The following SLC39A14 variants were observed in gnomAD, a reference collection of about 807,000 sequenced individuals.
SLC39A14 encodes metal cation symporter ZIP14.
SLC39A14 carries 19 observed loss-of-function variants against 45.5 expected under a neutral mutation model. The observed-to-expected ratio is 0.42, with a 90% CI of 0.29 to 0.61. SLC39A14 has a LOEUF of 0.61. Ranked by LOEUF, SLC39A14 falls within the 20% of genes least tolerant of loss-of-function variation. SLC39A14 has a pLI of 0.22. For synonymous variants in SLC39A14, 264 were observed against 251.3 expected (o/e 1.05, Z -0.48); for missense variants, 447 against 616.5 (o/e 0.73, Z 2.91).
downstream of SLC39A14, among the ~76,000 whole-genome samples, chr8:22,423,359 G>A (rs1221182993): frequency 2.1e-5 from 3 of 146,242 alleles, no homozygotes; most frequent in Non-Finnish European, 4.5e-5. Context: ...TTTTTGAGAC[G>A]GAATCTCACT....
At chr8:22,429,027 C>G (rs1390532463) in intron 8 of SLC39A14, among the ~76,000 whole-genome samples, 3 of 151,956 alleles carry the variant, frequency 2.0e-5, no homozygotes, top group East Asian at 2.0e-4. Flanking sequence ...AATCCTAGCA[C>G]TTTGGGAGGC....
chr8:22,429,891 G>C (rs906005595), intron 8 of SLC39A14, among the ~76,000 whole-genome samples: 1 of 152,246 alleles, frequency 6.6e-6, no homozygotes, highest in African/African-American at 2.4e-5. Context: ...GAGGTGATCA[G>C]GAAAGGGCTC....
intron 1 of SLC39A14, among the ~76,000 whole-genome samples, chr8:22,381,155 G>A (rs1307681816): frequency 6.6e-6 from 1 of 151,962 alleles, no homozygotes; most frequent in Non-Finnish European, 1.5e-5. Flanking sequence ...TGTATTTTTA[G>A]TAGAGACGGG....
chr8:22,397,167 A>G (rs1430242950), intron 1 of SLC39A14, among the ~76,000 whole-genome samples: 2 of 152,080 alleles, frequency 1.3e-5, no homozygotes, highest in Non-Finnish European at 2.9e-5. Context: ...TTGTGGTCCT[A>G]CCGAAAATTG....
rs770249414 is a variant in SLC39A14, at chr8:22,404,731, C to G, written c.21C>G (p.His7Gln). The stretch of plus-strand genomic sequence containing the variant: ...TCACCATGAAGCTGCTGCTGCTGCA[C>G]CCGGCCTTCCAGAGCTGCCTCCTGC... MKLLLL[H>Q]PAFQSCLLLT... The change falls in exon 2 of 9, where the codon CAC becomes CAG. Residue 7 changes from histidine to glutamine, a missense_variant. This residue lies in a region of SLC39A14 where 342 missense variants were observed against 428.1 expected (regional missense o/e 0.80). Transcript: ENST00000381237. 10 of 1,613,534 alleles carry G rather than the reference C, an allele frequency of 6.2e-6. No homozygotes were observed. The highest frequency in any genetic ancestry group is 2.7e-5 in the African/African-American group (2 of 74,864).
downstream of SLC39A14, among the ~76,000 whole-genome samples, chr8:22,426,685 T>C (rs1836392520): frequency 6.6e-6 from 1 of 151,872 alleles, no homozygotes; most frequent in East Asian, 2.0e-4. Context: ...AATGATATGC[T>C]CTCTCTCTTT....
At chr8:22,408,220 TCC>T in intron 2 of SLC39A14, 88 bp from the exon 3 acceptor site, 2 of 1,171,884 alleles carry the variant, frequency 1.7e-6, no homozygotes, top group Admixed American at 4.4e-5. Flanking sequence ...CTTCTCTTTT[TCC>T]TCTGGGAAGG....
Position 22,417,402 on chromosome 8 carries a change from T to C in SLC39A14, c.1148-249T>C, listed in dbSNP as rs980060767. ...TCAAGGGCCTGTCTTGTCACTTCTG[T>C]CTTGAGTCTAGGGCTGTCTTGATTT... On this transcript the variant is annotated intron_variant, in intron 7 of 8. Coordinates refer to ENST00000381237, the MANE Select transcript of SLC39A14 (RefSeq NM_001128431.4). Among the ~76,000 whole-genome samples the C allele has an allele frequency of 2.6e-5, 4 of 152,134 alleles. No homozygotes were observed. The South Asian group carries it at 8.3e-4, about 32-fold the overall frequency.
intron 1 of SLC39A14, among the ~76,000 whole-genome samples, chr8:22,372,842 CCCAAG>C (rs1833006690): frequency 6.6e-6 from 1 of 152,024 alleles, no homozygotes; most frequent in Non-Finnish European, 1.5e-5. Flanking sequence ...CACTACGTTA[CCCAAG>C]CTAGTCTTAA....
In SLC39A14 at chr8:22,408,450, CGAG is replaced by C. The variant is rs1563575973; in HGVS notation, c.415_417del (p.Glu139del). On this transcript the variant is annotated inframe_deletion, in exon 3 of 9. Coordinates refer to ENST00000381237, the MANE Select transcript of SLC39A14 (RefSeq NM_001128431.4). ...CCTGCACCTCGGAGAACCAGGAAAA[CGAG>C]GAGAATGAGCAGACGGAGGAGGGGC... The C allele has an allele frequency of 3.1e-6, 5 of 1,614,140 alleles. No homozygotes were observed. Among genetic ancestry groups the C allele is most frequent in the African/African-American group, 2.7e-5 (2 of 75,036 alleles).
chr8:22,373,629 T>C (rs79257601), intron 1 of SLC39A14, among the ~76,000 whole-genome samples: 10,833 of 152,212 alleles, frequency 0.071, 496 homozygotes, highest in Non-Finnish European at 0.1. Context: ...AAATAGTCTT[T>C]TACTTCAGGG....
chr8:22,423,663 G>A (rs553144062), downstream of SLC39A14, among the ~76,000 whole-genome samples: 18 of 151,630 alleles, frequency 1.2e-4, no homozygotes, highest in South Asian at 2.1e-4. Context: ...ATGGGGTTGC[G>A]CCATGTTGGC....
At chr8:22,399,222 T>C (rs1350290248) in intron 1 of SLC39A14, among the ~76,000 whole-genome samples, 1 of 152,220 alleles carries the variant, frequency 6.6e-6, no homozygotes, top group Non-Finnish European at 1.5e-5. Flanking sequence ...GCTGGGGCCA[T>C]GCGCGCGGAC....
At position 22,419,705 on chromosome 8, in the gene SLC39A14, G is replaced by A. The variant is rs756699269; in HGVS notation, c.*7G>A. The A allele has an allele frequency of 5.9e-5, 94 of 1,583,384 alleles. No individual in the cohort carries two copies. Among genetic ancestry groups the A allele is most frequent in the Non-Finnish European group, 8.0e-5 (93 of 1,165,290 alleles). ...ACAGATCCAGATTGGGTAGGGCTCT[G>A]CCAAGAGCCTGTGGGACTGGAAGTC... On this transcript the variant is annotated 3_prime_UTR_variant, in exon 9 of 9. Transcript: ENST00000381237.
At chr8:22,401,482 T>C (rs1834847495) in intron 1 of SLC39A14, among the ~76,000 whole-genome samples, 1 of 152,096 alleles carries the variant, frequency 6.6e-6, no homozygotes, top group African/African-American at 2.4e-5. Flanking sequence ...GTCATCAATC[T>C]TACTTTAAGC....
At chr8:22,433,258 G>C (rs550557370) in intron 8 of SLC39A14, among the ~76,000 whole-genome samples, 9 of 151,394 alleles carry the variant, frequency 5.9e-5, no homozygotes, top group Non-Finnish European at 1.2e-4. Context: ...TGTCAGTTTT[G>C]GTTCGTTTCC....
intron 2 of SLC39A14, among the ~76,000 whole-genome samples, chr8:22,405,828 A>T (rs1427066999): frequency 6.6e-6 from 1 of 152,226 alleles, no homozygotes; most frequent in African/African-American, 2.4e-5. Context: ...CATCTCTGCT[A>T]ATCAGACTCT....
In SLC39A14 at chr8:22,404,790, A is replaced by G. The variant is rs1168239133; in HGVS notation, c.80A>G (p.Glu27Gly). 59 of 1,613,290 alleles carry G rather than the reference A, an allele frequency of 3.7e-5. No individual in the cohort carries two copies. Among genetic ancestry groups the G allele is most frequent in the Non-Finnish European group, 4.3e-5 (51 of 1,179,472 alleles). ...TLLGLWRTTP[E>G]AHASSLGAPA... is the part of the protein sequence containing the mutation. ...CTTGGCTTATGGAGAACCACCCCTG[A>G]GGCTCACGCTTCATCCCTGGGTGCA... is the stretch of plus-strand genomic sequence containing the variant. The change falls in exon 2 of 9, where the codon GAG (glutamate) becomes GGG (glycine). Residue 27 changes from glutamate to glycine, a missense_variant. Physicochemically the swap from Glu to Gly is moderately conservative, Grantham distance 98. Around this residue, in one of 2 missense-constraint regions of SLC39A14, gnomAD observed 342 missense variants for 428.1 expected, o/e 0.80. Coordinates refer to ENST00000381237, the MANE Select transcript of SLC39A14 (RefSeq NM_001128431.4).
At position 22,408,486 on chromosome 8, in the gene SLC39A14, C is replaced by G; in HGVS notation, c.447C>G (p.Ser149Arg). 1 of 1,613,070 alleles carries G rather than the reference C, an allele frequency of 6.2e-7. No individual in the cohort carries two copies. Among genetic ancestry groups the G allele is most frequent in the South Asian group, 1.1e-5 (1 of 91,000 alleles). The part of the protein sequence containing the change: ...ENEQTEEGRP[S>R]AVEVWGYGLL... The stretch of plus-strand genomic sequence containing the variant: ...AGCAGACGGAGGAGGGGCGGCCAAG[C>G]GCTGTTGAAGGTGAGCCAGGCCAGG... Residue 149 changes from serine to arginine, a missense_variant, in exon 3 of 9, where the codon AGC becomes AGG. Coordinates refer to ENST00000381237, the MANE Select transcript of SLC39A14 (RefSeq NM_001128431.4).
Sources: gnomAD v4.1 joint callset for allele counts (sites outside exome capture counted in the v4.1 genomes callset) on GRCh38, gnomAD v4.1.1 for gene constraint, gnomAD v4.1.1 regional missense constraint, MANE v1.5 for transcripts, NCBI Gene and HGNC (gene_info 2026-07-23, HGNC 2026-07-21) for gene names.